The following SLC2A14 variants were observed in gnomAD, a reference collection of about 807,000 sequenced individuals.
SLC2A14 encodes the protein solute carrier family 2 member 14.
Under a neutral mutation model 43.0 loss-of-function variants are expected in SLC2A14, and 13 were observed. The ratio of observed to expected loss-of-function variants is 0.30; its 90% CI spans 0.20 to 0.48. The LOEUF is 0.48. Ranked by LOEUF, SLC2A14 falls within the 20% of genes least tolerant of loss-of-function variation. SLC2A14 has a pLI of 0.99. For synonymous variants in SLC2A14, 190 were observed against 233.8 expected (o/e 0.81, Z 1.71); for missense variants, 428 against 620.4 (o/e 0.69, Z 3.29).
chr12:7,824,053 C>CA (rs1159654471), intron 7 of SLC2A14, among the ~76,000 whole-genome samples: 1 of 152,050 alleles, frequency 6.6e-6, no homozygotes, highest in Non-Finnish European at 1.5e-5. Context: ...GTCAGGAGTT[C>CA]AAGGCCAGGC....
Position 7,861,874 on chromosome 12 carries a change from A to T in SLC2A14, c.18+7989T>A, listed in dbSNP as rs746223735. 2.6e-5 allele frequency among the ~76,000 whole-genome samples: 4 copies of T among 151,958 alleles called. No homozygotes were observed. The East Asian group carries it at 5.8e-4, about 22-fold the overall frequency. Reference sequence around the variant, plus strand: ...CTACTCGGGAGGCTGACGCAGGAGAAATGCTGGAACCCGGGAGGCAGAGGT... The same window carrying T: ...CTACTCGGGAGGCTGACGCAGGAGATATGCTGGAACCCGGGAGGCAGAGGT... On this transcript the variant is annotated intron_variant, in intron 2 of 10. Coordinates refer to ENST00000431042, the MANE Select transcript of SLC2A14 (RefSeq NM_001286234.2).
intron 2 of SLC2A14, among the ~76,000 whole-genome samples, chr12:7,863,115 T>C (rs774138384): frequency 2.6e-5 from 4 of 152,254 alleles, no homozygotes; most frequent in Admixed American, 6.5e-5. Context: ...CCACGTTGCT[T>C]TTATGAGCTG....
intron 2 of SLC2A14, among the ~76,000 whole-genome samples, chr12:7,861,338 A>T (rs1303885170): frequency 2.0e-5 from 3 of 152,030 alleles, no homozygotes; most frequent in African/African-American, 4.8e-5. Flanking sequence ...ATCTAAGAAA[A>T]TTTTTTTATG....
chr12:7,889,233 CTTT>C (rs142327842), intron 1 of SLC2A14, among the ~76,000 whole-genome samples: 2 of 132,358 alleles, frequency 1.5e-5, no homozygotes, highest in Non-Finnish European at 3.1e-5. Flanking sequence ...GCTGGTTGCC[CTTT>C]TTTTTTTTTT....
chr12:7,836,861 A>C (rs981234490), intron 2 of SLC2A14, among the ~76,000 whole-genome samples: 1 of 151,872 alleles, frequency 6.6e-6, no homozygotes, highest in Non-Finnish European at 1.5e-5. Context: ...CAGTAGCCAC[A>C]TTAAAAAAAT....
chr12:7,842,815 G>A (rs1388896884), intron 2 of SLC2A14, among the ~76,000 whole-genome samples: 1 of 149,786 alleles, frequency 6.7e-6, no homozygotes, highest in African/African-American at 2.5e-5. Flanking sequence ...CGCAACCTCC[G>A]CCTCCCGCGT....
At position 7,872,104 on chromosome 12, in the gene SLC2A14, A is replaced by G. The variant is rs912972265; in HGVS notation, c.-58+703T>C. 1.8e-5 allele frequency: 3 copies of G among 171,298 alleles called. No homozygotes were observed. The Admixed American group carries it at 2.0e-4, about 11-fold the overall frequency. 10.6% of individuals were successfully genotyped at this position (171,298 alleles called of 1,614,324 possible). On this transcript the variant is annotated intron_variant, in intron 1 of 10. Coordinates refer to ENST00000431042, the MANE Select transcript of SLC2A14 (RefSeq NM_001286234.2). ...AAACTGGGACAAAACTAATAACAGT[A>G]TTTTACCAAGGACACTTGGCCTTAC...
chr12:7,867,713 C>T lies in SLC2A14; in HGVS notation c.18+2150G>A, dbSNP rs1271732524. 4.0e-5 allele frequency among the ~76,000 whole-genome samples: 6 copies of T among 151,898 alleles called. No individual in the cohort carries two copies. The South Asian group carries it at 6.3e-4, about 16-fold the overall frequency. ...TACAAAAATTAGCTGGGTGTGGTGG[C>T]GTGCGCCTGTAGTCCCAGCTACTCG... On this transcript the variant is annotated intron_variant, in intron 2 of 10. Coordinates refer to ENST00000431042, the MANE Select transcript of SLC2A14 (RefSeq NM_001286234.2).
chr12:7,891,056 GA>G lies in SLC2A14; in HGVS notation c.71del (p.Phe24SerfsTer26). 13 of 1,535,166 alleles carry G rather than the reference GA, an allele frequency of 8.5e-6. No homozygotes were observed. Among genetic ancestry groups the G allele is most frequent in the Non-Finnish European group, 1.1e-5 (13 of 1,146,612 alleles). On this transcript the variant is annotated frameshift_variant, in exon 1 of 10. Transcript: ENST00000539924. LOFTEE classifies it high-confidence loss of function. ...GAGTGGAGGTCTGAGAAGAAAAAAA[GA>G]AATGCCGCATTTCATCTCCTTGTTT...
At chr12:7,876,293 A>AT (rs982548155), upstream of SLC2A14, among the ~76,000 whole-genome samples, 1 of 150,116 alleles carries the variant, frequency 6.7e-6, no homozygotes, top group African/African-American at 2.4e-5. Flanking sequence ...AAAAAAAAAA[A>AT]AAAAAAAAAA....
intron 2 of SLC2A14, among the ~76,000 whole-genome samples, chr12:7,864,412 C>G (rs980329290): frequency 6.6e-6 from 1 of 152,132 alleles, no homozygotes; most frequent in Non-Finnish European, 1.5e-5. Flanking sequence ...AATCTCAGCT[C>G]ACTGCAACCT....
intron 1 of SLC2A14, among the ~76,000 whole-genome samples, chr12:7,879,339 A>AC (rs1945526912): frequency 6.6e-6 from 1 of 150,644 alleles, no homozygotes; most frequent in East Asian, 2.0e-4. Flanking sequence ...ACAAAAAAAA[A>AC]CAAAAGTTGC....
intron 2 of SLC2A14, among the ~76,000 whole-genome samples, chr12:7,865,333 C>T (rs1012557088): frequency 2.6e-5 from 4 of 151,950 alleles, no homozygotes; most frequent in South Asian, 2.1e-4. Flanking sequence ...GTCAGGAGAT[C>T]GAGACCATCC....
At chr12:7,816,752 G>C (rs1863489606) in intron 10 of SLC2A14, among the ~76,000 whole-genome samples, 1 of 151,942 alleles carries the variant, frequency 6.6e-6, no homozygotes, top group Non-Finnish European at 1.5e-5. Flanking sequence ...CTGTCACCCA[G>C]GCTGGAGTGT....
intron 2 of SLC2A14, among the ~76,000 whole-genome samples, chr12:7,865,945 G>C (rs960177226): frequency 6.6e-6 from 1 of 152,120 alleles, no homozygotes; most frequent in Non-Finnish European, 1.5e-5. Context: ...GGCCGGGCAT[G>C]GTAGCTCACG....
upstream of SLC2A14, among the ~76,000 whole-genome samples, chr12:7,874,587 G>T (rs1002108783): frequency 8.0e-5 from 12 of 150,912 alleles, no homozygotes; most frequent in Non-Finnish European, 1.5e-4. Context: ...CAGGAAAATT[G>T]CTTGAACCCG....
At chr12:7,849,432 A>C (rs767457566) in intron 2 of SLC2A14, among the ~76,000 whole-genome samples, 5 of 152,008 alleles carry the variant, frequency 3.3e-5, no homozygotes, top group African/African-American at 1.2e-4. Flanking sequence ...CAAGCTCTGG[A>C]GGTTGAGGTT....
rs750771006 is a variant in SLC2A14 at position 7,828,064 on chromosome 12, A to G, written c.677-382T>C. 2.0e-5 allele frequency among the ~76,000 whole-genome samples: 3 copies of G among 152,028 alleles called. No homozygotes were observed. The East Asian group carries it at 5.8e-4, about 29-fold the overall frequency. On this transcript the variant is annotated intron_variant, in intron 6 of 10. Transcript: ENST00000431042. ...TAATAAACTTGCTTTCACTTAAAAA[A>G]AAAATACAAATTAGATGGGTTGGGC...
intron 7 of SLC2A14, among the ~76,000 whole-genome samples, chr12:7,827,023 C>CTCTCT (rs1565509065): frequency 2.4e-5 from 3 of 127,538 alleles, no homozygotes; most frequent in African/African-American, 8.3e-5. Flanking sequence ...CTCTTTCTCT[C>CTCTCT]CTTTCTCTCT....
Sources: allele counts gnomAD v4.1 joint callset (sites outside exome capture counted in the v4.1 genomes callset), GRCh38; gene constraint gnomAD v4.1.1; transcripts MANE v1.5; gene names NCBI Gene and HGNC (gene_info 2026-07-23, HGNC 2026-07-21).